STK17A: variants seen among roughly 807,000 people sequenced by gnomAD.
STK17A encodes the protein serine/threonine-protein kinase 17A.
Under a neutral mutation model 43.7 loss-of-function variants are expected in STK17A, and 26 were observed. The ratio of observed to expected loss-of-function variants is 0.60; its 90% CI spans 0.44 to 0.83. The LOEUF is 0.83. STK17A is among the 40% of genes least tolerant of loss of function. The probability of loss-of-function intolerance (pLI) is 0.00; values close to 1 mark genes in which losing one functional copy is unlikely to be tolerated. For synonymous variants in STK17A, 191 were observed against 182.5 expected, an observed-to-expected ratio of 1.05 and a Z score of -0.38; for missense variants, 476 against 511.6, an observed-to-expected ratio of 0.93 and a Z score of 0.67.
chr7:43,594,478 G>A (rs182964111), intron 1 of STK17A, among the ~76,000 whole-genome samples: 2 of 152,264 alleles, frequency 1.3e-5, no homozygotes, highest in East Asian at 1.9e-4. Context: ...ACCTTATTAA[G>A]ATAATATGTA....
At chr7:43,619,866 A>G in intron 4 of STK17A, 143 bp downstream of exon 4, 3 of 1,159,842 alleles carry the variant, frequency 2.6e-6, no homozygotes, top group South Asian at 3.2e-5. Context: ...TTTGGATTAC[A>G]TTTTACAATG....
At chr7:43,595,286 TTC>T (rs1491178397) in intron 1 of STK17A, among the ~76,000 whole-genome samples, 148 of 146,544 alleles carry the variant, frequency 1.0e-3, no homozygotes, top group African/African-American at 3.4e-3. Context: ...TTTTTTTTTT[TTC>T]CCCCCTGGAG....
intron 3 of STK17A, chr7:43,609,791 C>G (rs2082689672): frequency 6.6e-6 from 1 of 152,358 alleles, no homozygotes; most frequent in Non-Finnish European, 1.5e-5. Context: ...GCCTCTGGAC[C>G]ACCCCCAAAA....
At chr7:43,595,865 T>G (rs749709092) in intron 1 of STK17A, 36 bp from the exon 2 acceptor site, 4 of 1,588,254 alleles carry the variant, frequency 2.5e-6, no homozygotes, top group Non-Finnish European at 3.4e-6. Context: ...TGGAAAGTTG[T>G]CAACTTTAAC....
At chr7:43,609,533 A>G (rs2082675329) in intron 3 of STK17A, 1 of 152,234 alleles carries the variant, frequency 6.6e-6, no homozygotes, top group African/African-American at 2.4e-5. Context: ...GAGACAATAA[A>G]GGTCCACTAT....
At chr7:43,623,209 G>A (rs1158007265) in intron 4 of STK17A, 5 of 195,318 alleles carry the variant, frequency 2.6e-5, no homozygotes, top group Non-Finnish European at 5.1e-5. Context: ...GGTGAGGGTG[G>A]GGCAATGGAG....
intron 2 of STK17A, among the ~76,000 whole-genome samples, chr7:43,599,461 A>G (rs1274325067): frequency 6.6e-6 from 1 of 152,214 alleles, no homozygotes; most frequent in Non-Finnish European, 1.5e-5. Flanking sequence ...CAAAGCACCA[A>G]TAATAATTAG....
intron 2 of STK17A, among the ~76,000 whole-genome samples, chr7:43,604,986 T>C (rs1237697974): frequency 1.3e-5 from 2 of 152,242 alleles, no homozygotes; most frequent in Non-Finnish European, 2.9e-5. Flanking sequence ...CCAATGGGTT[T>C]TTCATTTGAG....
intron 3 of STK17A, among the ~76,000 whole-genome samples, chr7:43,618,895 C>T (rs182624584): frequency 3.9e-5 from 6 of 152,204 alleles, no homozygotes; most frequent in African/African-American, 1.2e-4. Context: ...TAGATGAAAT[C>T]GCTCCAAAAT....
chr7:43,583,280 T>A lies in STK17A; in HGVS notation c.37T>A (p.Ser13Thr). The A allele has an allele frequency of 6.5e-7, 1 of 1,542,414 alleles. No homozygotes were observed. The highest frequency in any genetic ancestry group is 1.2e-5 in the South Asian group (1 of 84,368). ...GGAGAAGCCAGGCAGCGGCGGCTCC[T>A]CCCCAGGCGCCACCTCAGGCTCGGG... is the stretch of plus-strand genomic sequence containing the variant. ...PLEKPGSGGS[S>T]PGATSGSGRA... The change falls in exon 1 of 7, where the codon TCC (serine) becomes ACC (threonine). Residue 13 changes from serine (S) to threonine (T), a missense_variant. Coordinates refer to ENST00000319357, the MANE Select transcript of STK17A (RefSeq NM_004760.3).
At chr7:43,618,414 C>T (rs889912471) in intron 3 of STK17A, among the ~76,000 whole-genome samples, 1 of 152,160 alleles carries the variant, frequency 6.6e-6, no homozygotes, top group Non-Finnish European at 1.5e-5. Flanking sequence ...TTAGGGATTA[C>T]AGACTGTTTG....
At chr7:43,586,179 T>TA (rs1436416880) in intron 1 of STK17A, among the ~76,000 whole-genome samples, 1 of 144,744 alleles carries the variant, frequency 6.9e-6, no homozygotes, top group Non-Finnish European at 1.5e-5. Context: ...GAAAAACAGA[T>TA]TTTTTTTTTC....
chr7:43,603,362 G>T (rs986482665), intron 2 of STK17A, among the ~76,000 whole-genome samples: 1 of 152,084 alleles, frequency 6.6e-6, no homozygotes, highest in African/African-American at 2.4e-5. Context: ...TGTTGTTATG[G>T]AAACAGGCAA....
At chr7:43,622,727 G>A (rs2084043627) in intron 4 of STK17A, 1 of 149,738 alleles carries the variant, frequency 6.7e-6, no homozygotes, top group Non-Finnish European at 1.5e-5. Context: ...GTGAGACACA[G>A]TCTCACCCTA....
At chr7:43,608,138 T>G (rs2082627603) in intron 2 of STK17A, 118 bp from the exon 3 acceptor site, 1 of 1,040,708 alleles carries the variant, frequency 9.6e-7, no homozygotes, top group African/African-American at 1.6e-5. Flanking sequence ...TAAAAATACA[T>G]TTTTTAAAAA....
At chr7:43,593,159 G>GT (rs779440575) in intron 1 of STK17A, among the ~76,000 whole-genome samples, 48 of 152,284 alleles carry the variant, frequency 3.2e-4, no homozygotes, top group African/African-American at 9.9e-4. Flanking sequence ...AAAACAGGCA[G>GT]TTTTTTACTT....
chr7:43,597,579 G>T (rs1563145129), intron 2 of STK17A, among the ~76,000 whole-genome samples: 1 of 151,984 alleles, frequency 6.6e-6, no homozygotes, highest in Non-Finnish European at 1.5e-5. Context: ...TAGAGATGGG[G>T]TTTCACCGTG....
rs2082514721 is a variant in STK17A at position 43,596,244 on chromosome 7, G to A, written c.419+131G>A. On this transcript the variant is annotated intron_variant, in intron 2 of 6. Transcript: ENST00000319357. ...TCAGAATTTTCTAGATCATCTTCAG[G>A]TGTTCCTCTTATTAATATAACATGT... 1.7e-5 allele frequency: 13 copies of A among 744,146 alleles called. 1 individual carries two copies. Among genetic ancestry groups the A allele is most frequent in the South Asian group, 8.8e-5 (3 of 34,246 alleles). 46.1% of individuals were successfully genotyped at this position (744,146 alleles called of 1,614,324 possible). A position where few individuals can be genotyped will look rare whatever the true frequency, so the allele number is the denominator to read the frequency against.
Position 43,620,478 on chromosome 7 carries a change from C to T in STK17A, c.691+755C>T, listed in dbSNP as rs142505676. On this transcript the variant is annotated intron_variant, in intron 4 of 6. Coordinates refer to ENST00000319357, the MANE Select transcript of STK17A (RefSeq NM_004760.3). Reference sequence around the variant, plus strand: ...TCACTTGAGGCCAGGAATCTGAGACCAGCCTGGCCAACATGGCAAAACCCG... The same window carrying T: ...TCACTTGAGGCCAGGAATCTGAGACTAGCCTGGCCAACATGGCAAAACCCG... Among the ~76,000 whole-genome samples, 1,118 of 152,170 alleles carry T rather than the reference C, an allele frequency of 7.3e-3. 6 individuals are homozygous for T. The highest frequency in any genetic ancestry group is 0.021 in the Middle Eastern group (6 of 292).
Sources: gnomAD v4.1 joint callset for allele counts (sites outside exome capture counted in the v4.1 genomes callset) on GRCh38, gnomAD v4.1.1 for gene constraint, MANE v1.5 for transcripts, NCBI Gene and HGNC (gene_info 2026-07-23, HGNC 2026-07-21) for gene names.